AXIN2: variants seen among roughly 807,000 people sequenced by gnomAD.
AXIN2 encodes the protein axin 2.
AXIN2 carries 21 observed loss-of-function variants against 74.7 expected under a neutral mutation model. The observed-to-expected ratio is 0.28, with a 90% CI of 0.20 to 0.40. The LOEUF (loss-of-function observed/expected upper bound fraction) is 0.40. Among genes scored for constraint, AXIN2 ranks in the 10% least tolerant of loss-of-function variants. AXIN2 has a pLI of 1.00. For synonymous variants in AXIN2, 532 were observed against 454.9 expected (o/e 1.17, Z -2.16); for missense variants, 1,144 against 1,111.1 (o/e 1.03, Z -0.42).
intron 8 of AXIN2, 66 bp downstream of exon 8, chr17:65,536,254 C>T (rs988619793): frequency 2.3e-5 from 34 of 1,495,628 alleles, no homozygotes; most frequent in Middle Eastern, 2.3e-4. Flanking sequence ...TCCCCATTAG[C>T]CACAGACCAG....
intron 5 of AXIN2, 34 bp downstream of exon 5, chr17:65,538,169 G>C (rs776245264): frequency 1.2e-6 from 2 of 1,613,924 alleles, no homozygotes; most frequent in Non-Finnish European, 1.7e-6. Context: ...TCACGCCGTG[G>C]ACGGAAGCAG....
In AXIN2 at chr17:65,537,534, C is replaced by T. The variant is rs779029020; in HGVS notation, c.1502G>A (p.Gly501Glu). ...CTGCTTGGTCACAAAGCCTTTGCCCCCGAGGAGGGGGCAGGCGCCCGGCGA... is the reference window on the plus strand; with the variant it reads ...CTGCTTGGTCACAAAGCCTTTGCCCTCGAGGAGGGGGCAGGCGCCCGGCGA... The part of the protein sequence containing the change: ...AASPGACPLL[G>E]GKGFVTKQTT... Residue 501 changes from glycine (G) to glutamate (E), a missense_variant, in exon 6 of 11, where the codon GGG (glycine) becomes GAG (glutamate). Gly to Glu is a moderately conservative substitution (Grantham distance 98). This residue lies in a region of AXIN2 where 1,053 missense variants were observed against 973.5 expected (regional missense o/e 1.08). Transcript: ENST00000307078. The T allele has an allele frequency of 6.2e-7, 1 of 1,613,508 alleles. No homozygotes were observed. Among genetic ancestry groups the T allele is most frequent in the East Asian group, 2.2e-5 (1 of 44,728 alleles).
At chr17:65,557,753 A>ACCATCC in intron 2 of AXIN2, 53 bp downstream of exon 2, 60 of 1,580,154 alleles carry the variant, frequency 3.8e-5, no homozygotes, top group Non-Finnish European at 5.0e-5. Flanking sequence ...ACCATACTTA[A>ACCATCC]AACATCTGCA....
rs1204653790 is a variant in AXIN2 at position 65,536,562 on chromosome 17, G to T, written c.1908-9C>A. 26 of 1,613,396 alleles carry T rather than the reference G, an allele frequency of 1.6e-5. No individual in the cohort carries two copies. Among genetic ancestry groups the T allele is most frequent in the Non-Finnish European group, 2.2e-5 (26 of 1,179,784 alleles). Reference sequence around the variant, plus strand: ...TTTTTGTGCTTTGGGCACTAAACAAGGAATGAGCAGAGAGAAAACAGAAGG... The same window carrying T: ...TTTTTGTGCTTTGGGCACTAAACAATGAATGAGCAGAGAGAAAACAGAAGG... On this transcript the variant is annotated splice_polypyrimidine_tract_variant and intron_variant, in intron 7 of 10. Transcript: ENST00000307078.
chr17:65,541,108 C>T (rs1267077154), intron 4 of AXIN2, among the ~76,000 whole-genome samples: 4 of 152,126 alleles, frequency 2.6e-5, no homozygotes, highest in Non-Finnish European at 5.9e-5. Context: ...GAACTCCTGA[C>T]CTCAGGTGAT....
intron 1 of AXIN2, 31 bp downstream of exon 1, chr17:65,561,419 G>C (rs1280919919): frequency 1.3e-5 from 2 of 149,030 alleles, no homozygotes; most frequent in South Asian, 2.1e-4. Context: ...TCTTTGAAGC[G>C]GCTCCGCTGG....
At chr17:65,533,019 G>A (rs1298255871) in intron 10 of AXIN2, among the ~76,000 whole-genome samples, 1 of 152,250 alleles carries the variant, frequency 6.6e-6, no homozygotes, top group Non-Finnish European at 1.5e-5. Flanking sequence ...GGGCAAGGGA[G>A]GACTCCAGAT....
At chr17:65,552,187 G>A (rs1387909399) in intron 2 of AXIN2, among the ~76,000 whole-genome samples, 1 of 152,204 alleles carries the variant, frequency 6.6e-6, no homozygotes, top group East Asian at 1.9e-4. Context: ...GAGAAGAGAA[G>A]GTTGATTCAG....
chr17:65,547,666 G>A (rs1181043294), intron 3 of AXIN2, among the ~76,000 whole-genome samples: 1 of 152,196 alleles, frequency 6.6e-6, no homozygotes, highest in Non-Finnish European at 1.5e-5. Flanking sequence ...GACGTAAACT[G>A]CATTTGACTT....
At chr17:65,560,289 C>G (rs1339758715) in intron 1 of AXIN2, 1 of 152,228 alleles carries the variant, frequency 6.6e-6, no homozygotes, top group African/African-American at 2.4e-5. Context: ...ACGGGCGCCC[C>G]GGACTTGGGC....
At chr17:65,534,900 A>G (rs541943483) in intron 9 of AXIN2, among the ~76,000 whole-genome samples, 31 of 152,328 alleles carry the variant, frequency 2.0e-4, no homozygotes, top group African/African-American at 7.0e-4. Flanking sequence ...ACTGCACTCC[A>G]GCCTGGGCAA....
At chr17:65,537,869 C>CAG in intron 5 of AXIN2, 34 bp from the exon 6 acceptor site, 2 of 1,514,860 alleles carry the variant, frequency 1.3e-6, no homozygotes, top group South Asian at 2.6e-5. Context: ...AGAAGTGACC[C>CAG]AGGAAGCAGA....
At chr17:65,538,576 C>A in intron 4 of AXIN2, among the ~76,000 whole-genome samples, 1 of 148,552 alleles carries the variant, frequency 6.7e-6, no homozygotes, top group Non-Finnish European at 1.5e-5. Flanking sequence ...TGGTCGCACT[C>A]CGAGAGGCCC....
chr17:65,531,752 G>C (rs899357478), intron 10 of AXIN2, among the ~76,000 whole-genome samples: 8 of 152,002 alleles, frequency 5.3e-5, no homozygotes, highest in African/African-American at 1.9e-4. Context: ...CTTTTCCACT[G>C]CAACATGCTT....
intron 10 of AXIN2, among the ~76,000 whole-genome samples, chr17:65,530,872 G>A (rs574133168): frequency 3.3e-5 from 5 of 151,880 alleles, no homozygotes; most frequent in Non-Finnish European, 5.9e-5. Flanking sequence ...CCTCCCCAGC[G>A]TTCTTTCTTC....
chr17:65,558,503 C>A lies in AXIN2; in HGVS notation c.118G>T (p.Val40Leu), dbSNP rs1555583743. The change falls in exon 2 of 11, where the codon GTG becomes TTG. Residue 40 changes from valine (V) to leucine (L), a missense_variant. By Grantham distance (32) the Val-to-Leu change is conservative (BLOSUM62 1). Coordinates refer to ENST00000307078, the MANE Select transcript of AXIN2 (RefSeq NM_004655.4). Reference protein sequence around the residue: ...EGETPPCQPGVGKGQVTKPMP... With the variant: ...EGETPPCQPGLGKGQVTKPMP... The stretch of plus-strand genomic sequence containing the variant: ...GGTTTGGTGACCTGGCCCTTGCCCA[C>A]CCCTGGCTGACACGGTGGGGTCTCC... 4 of 1,612,954 alleles carry A rather than the reference C, an allele frequency of 2.5e-6. No homozygotes were observed. The highest frequency in any genetic ancestry group is 3.4e-6 in the Non-Finnish European group (4 of 1,179,216).
intron 2 of AXIN2, among the ~76,000 whole-genome samples, chr17:65,551,857 G>A (rs748161014): frequency 1.3e-5 from 2 of 152,172 alleles, no homozygotes; most frequent in South Asian, 2.1e-4. Context: ...GATCCTGTCC[G>A]ACTGCATCAA....
At chr17:65,554,230 C>G (rs1567766246) in intron 2 of AXIN2, among the ~76,000 whole-genome samples, 1 of 152,102 alleles carries the variant, frequency 6.6e-6, no homozygotes, top group Admixed American at 6.5e-5. Flanking sequence ...TAGGGGTCCT[C>G]CTCCTTCTCC....
rs2043790585 is a variant in AXIN2 at position 65,530,035 on chromosome 17, C to T, written c.2473G>A (p.Glu825Lys). The T allele has an allele frequency of 6.2e-7, 1 of 1,614,246 alleles. No individual in the cohort carries two copies. Residue 825 changes from glutamate to lysine, a missense_variant, in exon 11 of 11, where the codon GAG becomes AAG. Glu to Lys is a moderately conservative substitution (Grantham distance 56). Coordinates refer to ENST00000307078, the MANE Select transcript of AXIN2 (RefSeq NM_004655.4). ...CCTTCATACATCGGGAGCACCGTCT[C>T]ATCCTCCCAGATCTCCTCAAACACC... is the stretch of plus-strand genomic sequence containing the variant. ...GAVFEEIWED[E>K]TVLPMYEGRI...
Sources: allele counts gnomAD v4.1 joint callset (sites outside exome capture counted in the v4.1 genomes callset), GRCh38; gene constraint gnomAD v4.1.1; regional missense constraint gnomAD v4.1.1; transcripts MANE v1.5; gene names NCBI Gene and HGNC (gene_info 2026-07-23, HGNC 2026-07-21).